TRHDE: variants seen among roughly 807,000 people sequenced by gnomAD.
The protein encoded by TRHDE is thyrotropin releasing hormone degrading enzyme, also known as thyrotropin-releasing hormone-degrading ectoenzyme.
Under a neutral mutation model 125.7 loss-of-function variants are expected in TRHDE, and 72 were observed. That is an observed-to-expected ratio of 0.57 (90% confidence interval 0.47 to 0.70). TRHDE has a LOEUF of 0.70. TRHDE is among the 30% of genes least tolerant of loss of function. The pLI is 0.00. For synonymous variants in TRHDE, 509 were observed against 509.1 expected, an observed-to-expected ratio of 1.00 and a Z score of 0.00; for missense variants, 1,110 against 1,327.1, an observed-to-expected ratio of 0.84 and a Z score of 2.54.
intron 1 of TRHDE, among the ~76,000 whole-genome samples, chr12:72,096,032 C>T (rs1019127821): frequency 4.0e-5 from 6 of 151,886 alleles, no homozygotes; most frequent in Admixed American, 1.3e-4. Flanking sequence ...TTTGGCATCT[C>T]ACTGAGTCTC....
chr12:72,368,055 C>A (rs993095409), intron 2 of TRHDE, among the ~76,000 whole-genome samples: 2 of 152,150 alleles, frequency 1.3e-5, no homozygotes, highest in East Asian at 1.9e-4. Context: ...TAACTATACA[C>A]TGTTTCACGT....
intron 3 of TRHDE, among the ~76,000 whole-genome samples, chr12:72,461,235 G>A (rs1348132932): frequency 1.3e-5 from 2 of 152,228 alleles, no homozygotes; most frequent in South Asian, 2.1e-4. Context: ...ACCATCAGGA[G>A]AAAAATGTAT....
chr12:72,447,194 A>G (rs1370410314), intron 3 of TRHDE, among the ~76,000 whole-genome samples: 1 of 152,126 alleles, frequency 6.6e-6, no homozygotes, highest in Non-Finnish European at 1.5e-5. Flanking sequence ...ATCAAACTAG[A>G]ACTCAGGATT....
At chr12:72,441,976 G>C (rs556266116) in intron 3 of TRHDE, among the ~76,000 whole-genome samples, 4 of 151,882 alleles carry the variant, frequency 2.6e-5, no homozygotes, top group South Asian at 2.1e-4. Context: ...TAAGCAAAAG[G>C]CTGAGTGGGG....
rs115852937 is a variant in TRHDE at position 72,287,341 on chromosome 12, G to A, written c.1188+387G>A. ...TTGAAATGTACAGAACATGTGGTGAGTAATATAGTAAACTCCATACACCTA... is the reference window on the plus strand; with the variant it reads ...TTGAAATGTACAGAACATGTGGTGAATAATATAGTAAACTCCATACACCTA... On this transcript the variant is annotated intron_variant, in intron 2 of 18. Transcript: ENST00000261180. Among the ~76,000 whole-genome samples, 1,407 of 152,226 alleles carry A rather than the reference G, an allele frequency of 9.2e-3. 22 individuals are homozygous for A. The highest frequency in any genetic ancestry group is 0.032 in the African/African-American group (1,345 of 41,514).
intron 2 of TRHDE, among the ~76,000 whole-genome samples, chr12:72,111,463 A>G (rs2139295411): frequency 6.6e-6 from 1 of 152,302 alleles, no homozygotes; most frequent in East Asian, 1.9e-4. Flanking sequence ...GTGGAATGAA[A>G]CAGCTCATTG....
chr12:72,632,542 T>C (rs920550891), intron 15 of TRHDE, among the ~76,000 whole-genome samples: 3 of 151,990 alleles, frequency 2.0e-5, no homozygotes, highest in African/African-American at 7.2e-5. Context: ...CTCTTAGAGC[T>C]ATTTATATTG....
chr12:72,670,559 A>G lies in TRHDE; in HGVS notation c.*7364A>G, dbSNP rs1462538687. The G allele has an allele frequency of 1.3e-5, 2 of 151,724 alleles. No homozygotes were observed. The highest frequency in any genetic ancestry group is 4.8e-5 in the African/African-American group (2 of 41,380). The allele number at this position is 151,724 out of a possible 1,614,324, so 9.4% of individuals were successfully genotyped here. The stretch of plus-strand genomic sequence containing the variant: ...ATCTGTTTTTTTCACTTGAAAATAC[A>G]TTTTTAAAATTTTGAGTATATATAT... On this transcript the variant is annotated 3_prime_UTR_variant, in exon 19 of 19. Coordinates refer to ENST00000261180, the MANE Select transcript of TRHDE (RefSeq NM_013381.3).
chr12:72,360,952 C>T (rs1356322490), intron 2 of TRHDE, among the ~76,000 whole-genome samples: 2 of 151,584 alleles, frequency 1.3e-5, no homozygotes, highest in Non-Finnish European at 3.0e-5. Flanking sequence ...AACCTGCATA[C>T]ATTAGTTATT....
chr12:72,153,274 G>T (rs988858832), intron 2 of TRHDE, among the ~76,000 whole-genome samples: 4 of 152,072 alleles, frequency 2.6e-5, no homozygotes, highest in Non-Finnish European at 4.4e-5. Flanking sequence ...GCGCCTATTT[G>T]ATTCTTCTCT....
chr12:72,372,284 A>T (rs1324144610), intron 2 of TRHDE, among the ~76,000 whole-genome samples: 1 of 151,748 alleles, frequency 6.6e-6, no homozygotes, highest in Non-Finnish European at 1.5e-5. Context: ...TAGATTCTAG[A>T]TATTAGCCCT....
intron 12 of TRHDE, among the ~76,000 whole-genome samples, chr12:72,580,593 C>T (rs1158224475): frequency 6.6e-6 from 1 of 152,172 alleles, no homozygotes; most frequent in African/African-American, 2.4e-5. Flanking sequence ...AGGCACCCAC[C>T]ACCATACCTA....
chr12:72,098,602 TC>T (rs764239454), intron 1 of TRHDE, among the ~76,000 whole-genome samples: 4 of 152,208 alleles, frequency 2.6e-5, no homozygotes, highest in Non-Finnish European at 5.9e-5. Context: ...TTATGTTGTG[TC>T]CCATAGTCTA....
Position 72,286,952 on chromosome 12 carries a change from G to T in TRHDE, c.1186G>T (p.Val396Leu). The change falls in exon 2 of 19, where the codon GTA (valine) becomes TTA (leucine). Residue 396 changes from valine to leucine, a missense_variant and splice_region_variant. By Grantham distance (32) the Val-to-Leu change is conservative. Transcript: ENST00000261180. ...AGAAACTACCACCAAGAGTGGGGTTGTAGTAAGTATTTTCAGCTTAATGAT... is the reference window on the plus strand; with the variant it reads ...AGAAACTACCACCAAGAGTGGGGTTTTAGTAAGTATTTTCAGCTTAATGAT... ...YRETTTKSGV[V>L]VRLYARPDAI... The T allele has an allele frequency of 1.2e-6, 2 of 1,612,498 alleles. No homozygotes were observed. Among genetic ancestry groups the T allele is most frequent in the Non-Finnish European group, 1.7e-6 (2 of 1,179,314 alleles).
In TRHDE at chr12:72,551,144, A is replaced by C. The variant is rs573615716; in HGVS notation, c.1788+8788A>C. ...TTTTCCTCTATATTTAATATGTCAA[A>C]ATTATTGTTATGAAAAAATACGTTA... On this transcript the variant is annotated intron_variant, in intron 7 of 18. Transcript: ENST00000261180. Among the ~76,000 whole-genome samples, 4 of 152,222 alleles carry C rather than the reference A, an allele frequency of 2.6e-5. No individual in the cohort carries two copies. In the South Asian group the frequency reaches 6.2e-4, roughly 24 times the overall value.
intron 3 of TRHDE, among the ~76,000 whole-genome samples, chr12:72,461,061 T>A (rs1371044267): frequency 6.6e-6 from 1 of 152,184 alleles, no homozygotes; most frequent in African/African-American, 2.4e-5. Context: ...GCAAAAACAC[T>A]GGCTGCCTAT....
At chr12:72,349,989 T>G (rs1773113817) in intron 2 of TRHDE, among the ~76,000 whole-genome samples, 1 of 152,002 alleles carries the variant, frequency 6.6e-6, no homozygotes, top group South Asian at 2.1e-4. Context: ...GTCTGTGATA[T>G]CATTCCTTTT....
chr12:72,141,218 A>G (rs934439609), intron 2 of TRHDE, among the ~76,000 whole-genome samples: 1 of 152,008 alleles, frequency 6.6e-6, no homozygotes, highest in African/African-American at 2.4e-5. Context: ...ATAAAATGCT[A>G]TTTTTTTCCC....
intron 2 of TRHDE, among the ~76,000 whole-genome samples, chr12:72,122,840 A>T (rs1031492187): frequency 1.9e-4 from 29 of 151,834 alleles, no homozygotes; most frequent in Middle Eastern, 3.4e-3. Flanking sequence ...AAATATTTTT[A>T]AAAAATATAT....
Sources: gnomAD v4.1 joint callset for allele counts (sites outside exome capture counted in the v4.1 genomes callset) on GRCh38, gnomAD v4.1.1 for gene constraint, MANE v1.5 for transcripts, NCBI Gene and HGNC (gene_info 2026-07-23, HGNC 2026-07-21) for gene names.